The following ADAMTS20 variants were observed in gnomAD, a reference collection of about 807,000 sequenced individuals.
ADAMTS20 encodes A disintegrin and metalloproteinase with thrombospondin motifs 20.
In ADAMTS20, 225 loss-of-function variants were observed where a neutral mutation model predicts 260.1. That is an observed-to-expected ratio of 0.87 (90% CI 0.78 to 0.97). The LOEUF is 0.97. Among genes scored for constraint, ADAMTS20 ranks in the 50% least tolerant of loss-of-function variants. The probability of loss-of-function intolerance (pLI) is 0.00; values close to 1 mark genes in which losing one functional copy is unlikely to be tolerated. For missense variants in ADAMTS20, 2,400 were observed against 2,337.7 expected, an observed-to-expected ratio of 1.03 and a Z score of -0.55; for synonymous variants, 802 against 769.5, an observed-to-expected ratio of 1.04 and a Z score of -0.70.
intron 4 of ADAMTS20, among the ~76,000 whole-genome samples, chr12:43,501,462 C>CGT (rs1491170622): frequency 4.8e-5 from 2 of 41,510 alleles, no homozygotes; most frequent in Admixed American, 3.1e-4. Flanking sequence ...GAGGGGGATA[C>CGT]GCGCGCGCGC....
At chr12:43,486,098 C>A (rs1942518815) in intron 7 of ADAMTS20, among the ~76,000 whole-genome samples, 1 of 151,938 alleles carries the variant, frequency 6.6e-6, no homozygotes, top group South Asian at 2.1e-4. Flanking sequence ...TCATATAGAA[C>A]CAAACAGGAA....
chr12:43,469,902 G>A (rs1255133954), intron 7 of ADAMTS20, among the ~76,000 whole-genome samples: 1 of 152,146 alleles, frequency 6.6e-6, no homozygotes, highest in Non-Finnish European at 1.5e-5. Flanking sequence ...AAGTTCATTA[G>A]CCAATACTTT....
intron 4 of ADAMTS20, among the ~76,000 whole-genome samples, chr12:43,496,864 A>G (rs1942684874): frequency 6.6e-6 from 1 of 152,140 alleles, no homozygotes; most frequent in African/African-American, 2.4e-5. Context: ...TACACATATT[A>G]AATCTATGAG....
At chr12:43,400,619 G>T (rs573888684) in intron 28 of ADAMTS20, among the ~76,000 whole-genome samples, 2 of 151,382 alleles carry the variant, frequency 1.3e-5, no homozygotes, top group Non-Finnish European at 3.0e-5. Flanking sequence ...CTACCTATAT[G>T]CTTTACCGTT....
At chr12:43,372,366 T>C (rs1940125665) in intron 36 of ADAMTS20, among the ~76,000 whole-genome samples, 1 of 152,156 alleles carries the variant, frequency 6.6e-6, no homozygotes, top group Admixed American at 6.5e-5. Flanking sequence ...TCATGTAAGA[T>C]GGAAAACAAG....
At chr12:43,364,729 C>T (rs1939946483) in intron 37 of ADAMTS20, among the ~76,000 whole-genome samples, 1 of 151,856 alleles carries the variant, frequency 6.6e-6, no homozygotes, top group South Asian at 2.1e-4. Flanking sequence ...TGAACGCACA[C>T]CATTAGGTGC....
At chr12:43,413,637 A>T (rs558727283) in intron 28 of ADAMTS20, among the ~76,000 whole-genome samples, 10 of 152,328 alleles carry the variant, frequency 6.6e-5, no homozygotes, top group African/African-American at 2.4e-4. Flanking sequence ...ATACTTAATG[A>T]TTAAACATAT....
intron 18 of ADAMTS20, among the ~76,000 whole-genome samples, chr12:43,436,635 T>C (rs1192508055): frequency 6.6e-6 from 1 of 152,154 alleles, no homozygotes; most frequent in Non-Finnish European, 1.5e-5. Flanking sequence ...GGCTACCATA[T>C]TGCACAGCAT....
chr12:43,396,299 A>G (rs570436623), intron 29 of ADAMTS20, among the ~76,000 whole-genome samples: 1 of 152,294 alleles, frequency 6.6e-6, no homozygotes, highest in African/African-American at 2.4e-5. Context: ...GAGTCTTTCC[A>G]TTTGAGGCAT....
chr12:43,463,175 A>G (rs913348155), intron 10 of ADAMTS20, among the ~76,000 whole-genome samples, 176 bp from the exon 11 acceptor site: 1 of 152,238 alleles, frequency 6.6e-6, no homozygotes, highest in Non-Finnish European at 1.5e-5. Flanking sequence ...TTCTAAATAC[A>G]TAAAATTGTG....
chr12:43,445,134 A>G (rs576611236), intron 15 of ADAMTS20, among the ~76,000 whole-genome samples: 7 of 152,346 alleles, frequency 4.6e-5, no homozygotes, highest in African/African-American at 1.7e-4. Flanking sequence ...GAAGGCTACC[A>G]CCAGGGGGCA....
intron 28 of ADAMTS20, among the ~76,000 whole-genome samples, chr12:43,412,993 T>C (rs548318392): frequency 2.0e-5 from 3 of 151,732 alleles, no homozygotes; most frequent in South Asian, 2.1e-4. Context: ...TGTATTTTAG[T>C]AGAGATGGGG....
chr12:43,493,393 AT>A, intron 4 of ADAMTS20, 140 bp from the exon 5 acceptor site: 1 of 628,624 alleles, frequency 1.6e-6, no homozygotes, highest in Non-Finnish European at 2.7e-6. Context: ...GCTTTAACAA[AT>A]CCTCATGTTC....
intron 18 of ADAMTS20, among the ~76,000 whole-genome samples, chr12:43,435,082 G>T (rs1941524793): frequency 6.6e-6 from 1 of 152,180 alleles, no homozygotes; most frequent in African/African-American, 2.4e-5. Context: ...TACTATGTAT[G>T]ATATTATATT....
intron 37 of ADAMTS20, among the ~76,000 whole-genome samples, chr12:43,357,299 C>T (rs767889038): frequency 1.1e-4 from 16 of 152,140 alleles, no homozygotes; most frequent in Non-Finnish European, 2.1e-4. Context: ...GTTCAGTAGG[C>T]ATATAGATTC....
Position 43,377,437 on chromosome 12 carries a change from A to T in ADAMTS20, c.4923T>A (p.Pro1641=). 1 of 1,613,628 alleles carries T rather than the reference A, an allele frequency of 6.2e-7. No homozygotes were observed. Among genetic ancestry groups the T allele is most frequent in the Non-Finnish European group, 8.5e-7 (1 of 1,179,686 alleles). ...TAATGCATTGGTAAACCTGAGAGGA[A>T]GGCACCACAGGGCATTCTTGATAAA... ...PIVYQECPVV[P]SSQVYQCINS... The change falls in exon 32 of 39, where the codon CCT becomes CCA. Residue 1641 remains proline, a synonymous_variant. Coordinates refer to ENST00000389420, the MANE Select transcript of ADAMTS20 (RefSeq NM_025003.5).
At chr12:43,452,490 A>G (rs1941885658) in intron 13 of ADAMTS20, 24 bp downstream of exon 13, 3 of 1,605,606 alleles carry the variant, frequency 1.9e-6, no homozygotes, top group Admixed American at 3.4e-5. Context: ...AATTTACATC[A>G]AAGAACCAGC....
intron 28 of ADAMTS20, among the ~76,000 whole-genome samples, chr12:43,404,921 G>T (rs1161707302): frequency 6.6e-6 from 1 of 151,772 alleles, no homozygotes; most frequent in Non-Finnish European, 1.5e-5. Context: ...TCCATACATA[G>T]CCTAAATTAT....
At chr12:43,388,705 G>A (rs1417353717) in intron 29 of ADAMTS20, among the ~76,000 whole-genome samples, 1 of 152,216 alleles carries the variant, frequency 6.6e-6, no homozygotes. Context: ...AGAGGTTAAA[G>A]TCCCTTGCCT....
Sources: allele counts gnomAD v4.1 joint callset (sites outside exome capture counted in the v4.1 genomes callset), GRCh38; gene constraint gnomAD v4.1.1; transcripts MANE v1.5; gene names NCBI Gene and HGNC (gene_info 2026-07-23, HGNC 2026-07-21).